The following ITIH5 variants were observed in gnomAD, a reference collection of about 807,000 sequenced individuals.
The protein encoded by ITIH5 is inter-alpha-trypsin inhibitor heavy chain H5.
A neutral mutation model predicts 77.5 loss-of-function variants in ITIH5; 65 were observed. That is an observed-to-expected ratio of 0.84 (90% CI 0.69 to 1.03). ITIH5 has a LOEUF of 1.03. Among genes scored for constraint, ITIH5 ranks in the 50% least tolerant of loss-of-function variants. The pLI, the probability that ITIH5 is intolerant of heterozygous loss-of-function variation, is 0.00. For synonymous variants in ITIH5, 525 were observed against 494.3 expected (o/e 1.06, Z -0.82); for missense variants, 1,208 against 1,213.1 (o/e 1.00, Z 0.06).
chr10:7,649,844 C>A (rs961606681), intron 2 of ITIH5, among the ~76,000 whole-genome samples: 2 of 152,150 alleles, frequency 1.3e-5, no homozygotes, highest in Non-Finnish European at 2.9e-5. Context: ...GGCAGAGGCT[C>A]ATGAAAATGT....
intron 1 of ITIH5, among the ~76,000 whole-genome samples, chr10:7,658,806 C>T (rs1004767677): frequency 7.2e-5 from 11 of 151,934 alleles, no homozygotes; most frequent in African/African-American, 2.7e-4. Context: ...AGATGAAGCC[C>T]CCAGGTAGCA....
chr10:7,587,448 T>G (rs4747527), intron 7 of ITIH5, among the ~76,000 whole-genome samples: 42,808 of 151,886 alleles, frequency 0.28, 6,281 homozygotes, highest in East Asian at 0.49. Context: ...CTTTACGAAG[T>G]TGAAGAGCAC....
chr10:7,654,058 G>A (rs1265725361), intron 2 of ITIH5, among the ~76,000 whole-genome samples: 2 of 152,182 alleles, frequency 1.3e-5, no homozygotes, highest in African/African-American at 4.8e-5. Flanking sequence ...TCAGGAGGCT[G>A]AGGCAGGAGG....
In ITIH5 at chr10:7,611,792, TATGTAGCTAAA is replaced by T. The variant is rs1192059821; in HGVS notation, c.939+4179_939+4189del. 1.9e-4 allele frequency among the ~76,000 whole-genome samples: 29 copies of T among 152,304 alleles called. 1 individual carries two copies. In the East Asian group the frequency reaches 5.0e-3, roughly 26 times the overall value. On this transcript the variant is annotated intron_variant, in intron 7 of 13. Coordinates refer to ENST00000397146, the MANE Select transcript of ITIH5 (RefSeq NM_030569.7). ...GTTTACAACAAAAATTTAAAATTTT[TATGTAGCTAAA>T]GTTACCGATTTTCCCCTTTGTAATT...
chr10:7,562,885 T>G lies in ITIH5; in HGVS notation c.*198A>C. 1.6e-6 allele frequency: 1 copy of G among 631,864 alleles called. No individual in the cohort carries two copies. Among genetic ancestry groups the G allele is most frequent in the Non-Finnish European group, 2.9e-6 (1 of 350,012 alleles). The allele number at this position is 631,864 out of a possible 1,614,324, so 39.1% of individuals were successfully genotyped here. On this transcript the variant is annotated 3_prime_UTR_variant, in exon 14 of 14. Transcript: ENST00000397146. ...GAAGAGGCAGTAGAGGGAAATGACA[T>G]TTGCACTCAGGCTTCCCGCCCCTAC...
At chr10:7,665,104 G>C (rs1391106171) in intron 1 of ITIH5, among the ~76,000 whole-genome samples, 1 of 152,068 alleles carries the variant, frequency 6.6e-6, no homozygotes, top group African/African-American at 2.4e-5. Flanking sequence ...TTTTTTTCCT[G>C]ATTTAGTCAT....
At chr10:7,607,372 C>T (rs1181625933) in intron 7 of ITIH5, among the ~76,000 whole-genome samples, 1 of 152,150 alleles carries the variant, frequency 6.6e-6, no homozygotes, top group Non-Finnish European at 1.5e-5. Flanking sequence ...GGGGGCCGGG[C>T]GTGGTGGCTC....
intron 7 of ITIH5, among the ~76,000 whole-genome samples, chr10:7,610,986 C>T (rs367639441): frequency 4.6e-5 from 7 of 152,210 alleles, no homozygotes; most frequent in South Asian, 2.1e-4. Context: ...TTGCATCATG[C>T]GAGGAAATCC....
intron 2 of ITIH5, 108 bp downstream of exon 2, chr10:7,655,523 A>G: frequency 1.2e-6 from 1 of 852,060 alleles, no homozygotes; most frequent in Non-Finnish European, 1.9e-6. Context: ...TTTTTCTACA[A>G]GCAACTTTAT....
chr10:7,632,196 A>G (rs935566558), intron 5 of ITIH5, among the ~76,000 whole-genome samples: 1 of 152,174 alleles, frequency 6.6e-6, no homozygotes, highest in Non-Finnish European at 1.5e-5. Context: ...ATAGATCTCA[A>G]CCTTTACTGA....
At chr10:7,658,746 A>G (rs7909223) in intron 1 of ITIH5, among the ~76,000 whole-genome samples, 119,515 of 152,152 alleles carry the variant, frequency 0.79, 47,238 homozygotes, top group African/African-American at 0.88. Flanking sequence ...CAATAGAAAG[A>G]AATCTCTGGG....
intron 7 of ITIH5, among the ~76,000 whole-genome samples, chr10:7,587,292 G>A (rs1222891927): frequency 3.3e-5 from 5 of 152,172 alleles, no homozygotes; most frequent in Admixed American, 1.3e-4. Context: ...ATACTCTAGG[G>A]GCCTAGAAAA....
intron 7 of ITIH5, among the ~76,000 whole-genome samples, chr10:7,590,848 T>C (rs1224491323): frequency 2.0e-5 from 3 of 152,198 alleles, no homozygotes; most frequent in African/African-American, 4.8e-5. Context: ...CCCTCCTCTC[T>C]TCAAAGCCTT....
At chr10:7,571,934 C>T in intron 11 of ITIH5, 7 of 987,680 alleles carry the variant, frequency 7.1e-6, no homozygotes, top group Non-Finnish European at 8.4e-6. Flanking sequence ...GGACAACTGT[C>T]TAGCTCATCT....
At chr10:7,636,762 A>T (rs1833803800) in intron 5 of ITIH5, among the ~76,000 whole-genome samples, 2 of 152,178 alleles carry the variant, frequency 1.3e-5, no homozygotes, top group South Asian at 4.1e-4. Context: ...TTTTTAATAA[A>T]AAAAAAATGG....
rs200670854 is a variant in ITIH5, at chr10:7,629,531, G to A, written c.652+7697C>T. 6.8e-4 allele frequency among the ~76,000 whole-genome samples: 69 copies of A among 100,868 alleles called. 1 individual carries two copies. In the East Asian group the frequency reaches 0.016, roughly 23 times the overall value. The allele number at this position is 100,868 out of a possible 152,430, so 66.2% of individuals were successfully genotyped here. ...TTGCAGCGTGTGTCCGTGTTGCAGC[G>A]TGTGTCCGTGTTGTGGCATGCATCC... On this transcript the variant is annotated intron_variant, in intron 5 of 13. Coordinates refer to ENST00000397146, the MANE Select transcript of ITIH5 (RefSeq NM_030569.7).
chr10:7,605,106 G>A (rs1833096383), intron 7 of ITIH5, among the ~76,000 whole-genome samples: 2 of 151,948 alleles, frequency 1.3e-5, no homozygotes, highest in African/African-American at 4.8e-5. Context: ...ACAAGCATGA[G>A]CCACTGGGCT....
intron 7 of ITIH5, among the ~76,000 whole-genome samples, chr10:7,591,706 C>T (rs1832796632): frequency 6.6e-6 from 1 of 152,086 alleles, no homozygotes; most frequent in Non-Finnish European, 1.5e-5. Flanking sequence ...AGAGCCCTTC[C>T]CTGCCTCCCA....
chr10:7,645,250 T>A (rs577990966), intron 2 of ITIH5, among the ~76,000 whole-genome samples: 18 of 149,682 alleles, frequency 1.2e-4, no homozygotes, highest in Non-Finnish European at 2.5e-4. Context: ...TGATCAAGTT[T>A]AAAAAAAAAA....
Sources: gnomAD v4.1 joint callset for allele counts (sites outside exome capture counted in the v4.1 genomes callset) on GRCh38, gnomAD v4.1.1 for gene constraint, MANE v1.5 for transcripts, NCBI Gene and HGNC (gene_info 2026-07-23, HGNC 2026-07-21) for gene names.